CAMTA1: variants seen among roughly 807,000 people sequenced by gnomAD.
CAMTA1 encodes the protein calmodulin-binding transcription activator 1.
Under a neutral mutation model 170.9 loss-of-function variants are expected in CAMTA1, and 27 were observed. That is an observed-to-expected ratio of 0.16 (90% CI 0.12 to 0.22). CAMTA1 has a LOEUF of 0.22. Among genes scored for constraint, CAMTA1 ranks in the 10% least tolerant of loss-of-function variants. The pLI, the probability that CAMTA1 is intolerant of heterozygous loss-of-function variation, is 1.00. For missense variants in CAMTA1, 1,619 were observed against 2,217.2 expected, an observed-to-expected ratio of 0.73 and a Z score of 5.42; for synonymous variants, 833 against 891.5, an observed-to-expected ratio of 0.93 and a Z score of 1.17.
At chr1:6,974,724 T>A (rs1291375499) in intron 3 of CAMTA1, among the ~76,000 whole-genome samples, 1 of 152,218 alleles carries the variant, frequency 6.6e-6, no homozygotes, top group Non-Finnish European at 1.5e-5. Flanking sequence ...ACTTTGGAAC[T>A]GGGCTCAGAA....
rs1388409284 is a variant in CAMTA1, at chr1:6,970,612, T to C, written c.235-120692T>C. Among the ~76,000 whole-genome samples the C allele has an allele frequency of 6.6e-6, 1 of 152,026 alleles. No homozygotes were observed. Among genetic ancestry groups the C allele is most frequent in the Non-Finnish European group, 1.5e-5 (1 of 67,984 alleles). ...GAGTCTGAAGACTCCACAGAACTGA[T>C]GTTGGGATGGGAGAGACAAGCAGGC... On this transcript the variant is annotated intron_variant, in intron 3 of 22. Transcript: ENST00000303635. The surrounding 1 kb of genome is among the most constrained non-coding windows in gnomAD (Gnocchi z 4.4).
chr1:7,572,670 C>T (rs944223712), intron 6 of CAMTA1, among the ~76,000 whole-genome samples: 2 of 152,180 alleles, frequency 1.3e-5, no homozygotes, highest in African/African-American at 4.8e-5. Context: ...CATTCCCATT[C>T]ATGTGAGCTC....
intron 4 of CAMTA1, among the ~76,000 whole-genome samples, chr1:7,103,433 C>CACA (rs36143115): frequency 0.88 from 131,114 of 149,830 alleles, 57,612 homozygotes; most frequent in African/African-American, 0.96. Flanking sequence ...CACCTACACA[C>CACA]ACTACACACA....
chr1:6,912,991 C>A (rs1265042602), intron 3 of CAMTA1, among the ~76,000 whole-genome samples: 1 of 152,212 alleles, frequency 6.6e-6, no homozygotes, highest in Non-Finnish European at 1.5e-5. Context: ...CTTGCCAGCA[C>A]CTCCCTGTTT....
intron 6 of CAMTA1, among the ~76,000 whole-genome samples, chr1:7,488,625 C>T (rs1444976884): frequency 1.3e-5 from 2 of 152,086 alleles, no homozygotes; most frequent in Non-Finnish European, 2.9e-5. Context: ...CATACACATA[C>T]AATATACATA....
intron 3 of CAMTA1, among the ~76,000 whole-genome samples, chr1:7,089,631 A>G (rs755858402): frequency 2.1e-5 from 3 of 146,316 alleles, no homozygotes; most frequent in Non-Finnish European, 4.5e-5. Flanking sequence ...GGTGCTTCCT[A>G]TGTGCCTCAG....
At chr1:6,888,777 C>G (rs1385476584) in intron 3 of CAMTA1, among the ~76,000 whole-genome samples, 2 of 152,050 alleles carry the variant, frequency 1.3e-5, no homozygotes, top group Non-Finnish European at 2.9e-5. Context: ...GGCCAGAATA[C>G]CAATATTGTT....
intron 5 of CAMTA1, among the ~76,000 whole-genome samples, chr1:7,436,056 T>G (rs1180712043): frequency 6.6e-6 from 1 of 152,172 alleles, no homozygotes; most frequent in Non-Finnish European, 1.5e-5. Context: ...AGAACATTAT[T>G]TATCAGGTAG....
At chr1:7,051,373 C>T (rs1220721527) in intron 3 of CAMTA1, among the ~76,000 whole-genome samples, 2 of 152,180 alleles carry the variant, frequency 1.3e-5, no homozygotes, top group Admixed American at 6.5e-5. Flanking sequence ...GATTACCTAC[C>T]GCTACTGCAG....
intron 4 of CAMTA1, among the ~76,000 whole-genome samples, chr1:7,226,382 G>A (rs980273997): frequency 2.0e-5 from 3 of 152,162 alleles, no homozygotes; most frequent in Admixed American, 6.5e-5. Flanking sequence ...AGGACTGGGT[G>A]CAGAGCAGGT....
chr1:7,402,618 G>C (rs2089989005), intron 5 of CAMTA1, among the ~76,000 whole-genome samples: 1 of 152,176 alleles, frequency 6.6e-6, no homozygotes, highest in Non-Finnish European at 1.5e-5. Flanking sequence ...AGGGTCTGCA[G>C]CTTTTCCTTC....
intron 11 of CAMTA1, among the ~76,000 whole-genome samples, chr1:7,701,807 A>G (rs2096443380): frequency 6.6e-6 from 1 of 152,138 alleles, no homozygotes; most frequent in Non-Finnish European, 1.5e-5. Flanking sequence ...CTATTTTACA[A>G]AACAACCCAG....
intron 11 of CAMTA1, chr1:7,693,367 T>C (rs761253403): frequency 2.6e-5 from 4 of 152,056 alleles, no homozygotes; most frequent in African/African-American, 7.2e-5. Flanking sequence ...TTCGACTGGG[T>C]CCCTCCCACA....
intron 3 of CAMTA1, among the ~76,000 whole-genome samples, chr1:6,862,421 T>C (rs1437292513): frequency 1.3e-5 from 2 of 152,246 alleles, no homozygotes; most frequent in African/African-American, 4.8e-5. Context: ...TGTTCATCCA[T>C]CCATGGGTGC....
intron 4 of CAMTA1, among the ~76,000 whole-genome samples, chr1:7,211,713 G>C (rs986174362): frequency 6.6e-6 from 1 of 152,210 alleles, no homozygotes; most frequent in Non-Finnish European, 1.5e-5. Flanking sequence ...TTTCAGCAGA[G>C]AATGGTTTCT....
chr1:7,421,235 C>A (rs1487696682), intron 5 of CAMTA1, among the ~76,000 whole-genome samples: 1 of 151,864 alleles, frequency 6.6e-6, no homozygotes, highest in Non-Finnish European at 1.5e-5. Flanking sequence ...TCACTGCAAC[C>A]TCCACCTCCT....
At chr1:7,211,793 G>A (rs1658813841) in intron 4 of CAMTA1, among the ~76,000 whole-genome samples, 1 of 152,194 alleles carries the variant, frequency 6.6e-6, no homozygotes, top group Non-Finnish European at 1.5e-5. Context: ...AGTAGAAGAA[G>A]CTAAGCAATG....
rs77501220 is a variant in CAMTA1 at position 7,621,920 on chromosome 1, A to C, written c.511-18480A>C. On this transcript the variant is annotated intron_variant, in intron 6 of 22. Transcript: ENST00000303635. Reference sequence around the variant, plus strand: ...TCCCTGGCGCCTCTAGAGAGAACGAATATGCTAAAGATAGTGAGGCGTCTT... The same window carrying C: ...TCCCTGGCGCCTCTAGAGAGAACGACTATGCTAAAGATAGTGAGGCGTCTT... 5.0e-3 allele frequency among the ~76,000 whole-genome samples: 768 copies of C among 152,340 alleles called. 1 individual carries two copies. Among genetic ancestry groups the C allele is most frequent in the Non-Finnish European group, 7.9e-3 (540 of 68,030 alleles).
At chr1:7,137,506 G>A (rs111921221) in intron 4 of CAMTA1, among the ~76,000 whole-genome samples, 4 of 152,218 alleles carry the variant, frequency 2.6e-5, no homozygotes, top group Non-Finnish European at 4.4e-5. Context: ...TTAAATGTAC[G>A]ATCCCCCGCT....
Sources: allele counts gnomAD v4.1 joint callset (sites outside exome capture counted in the v4.1 genomes callset), GRCh38; gene constraint gnomAD v4.1.1; non-coding constraint Gnocchi (gnomAD v3.1); transcripts MANE v1.5; gene names NCBI Gene and HGNC (gene_info 2026-07-23, HGNC 2026-07-21).